The following ARFGEF2 variants were observed in gnomAD, a reference collection of about 807,000 sequenced individuals.
ARFGEF2 encodes brefeldin A-inhibited guanine nucleotide-exchange protein 2.
A neutral mutation model predicts 219.9 loss-of-function variants in ARFGEF2; 74 were observed. The observed-to-expected ratio is 0.34, with a 90% confidence interval of 0.28 to 0.41. The LOEUF (loss-of-function observed/expected upper bound fraction) is 0.41. Among genes scored for constraint, ARFGEF2 ranks in the 10% least tolerant of loss-of-function variants. The pLI is 1.00. For missense variants in ARFGEF2, 1,743 were observed against 2,218.3 expected, an observed-to-expected ratio of 0.79 and a Z score of 4.30; for synonymous variants, 733 against 799.2, an observed-to-expected ratio of 0.92 and a Z score of 1.40.
intron 35 of ARFGEF2, 105 bp downstream of exon 35, chr20:49,023,286 T>A (rs1277115571): frequency 2.7e-6 from 4 of 1,458,870 alleles, no homozygotes; most frequent in South Asian, 1.2e-5. Context: ...GAGCCTGTCA[T>A]GCTCATCTCT....
chr20:48,963,002 G>A (rs1465421662), intron 6 of ARFGEF2, among the ~76,000 whole-genome samples: 2 of 152,086 alleles, frequency 1.3e-5, no homozygotes, highest in Middle Eastern at 3.4e-3. Flanking sequence ...GAACTCAGGA[G>A]TTCAAGACCA....
intron 30 of ARFGEF2, 116 bp from the exon 31 acceptor site, chr20:49,016,164 A>T: frequency 9.5e-7 from 1 of 1,055,910 alleles, no homozygotes; most frequent in African/African-American, 1.6e-5. Context: ...TTTAAGACGT[A>T]TTCTTGATAC....
chr20:48,999,766 AAAG>A (rs2091414090), intron 25 of ARFGEF2, among the ~76,000 whole-genome samples: 1 of 151,744 alleles, frequency 6.6e-6, no homozygotes, highest in African/African-American at 2.4e-5. Context: ...AAAAAAAAAA[AAAG>A]AAATGTATGT....
chr20:48,960,761 G>A (rs2091143587), intron 6 of ARFGEF2, among the ~76,000 whole-genome samples: 1 of 150,796 alleles, frequency 6.6e-6, no homozygotes, highest in Non-Finnish European at 1.5e-5. Context: ...GGGATTACAG[G>A]CATGAGCCAC....
At chr20:48,922,122 A>G in intron 1 of ARFGEF2, 112 bp downstream of exon 1, 1 of 1,455,754 alleles carries the variant, frequency 6.9e-7, no homozygotes, top group South Asian at 1.3e-5. Flanking sequence ...CCGATCCCGA[A>G]TTCCACCCTT....
intron 35 of ARFGEF2, among the ~76,000 whole-genome samples, chr20:49,023,536 TG>T (rs1568743669): frequency 1.2e-4 from 7 of 59,512 alleles, no homozygotes; most frequent in East Asian, 6.4e-4. Context: ...TTTTTTTTTT[TG>T]TTTTTTTTTT....
Position 48,998,178 on chromosome 20 carries a change from G to C in ARFGEF2, c.3222-15G>C. ...CCCGGTCTAATGTTTATTTTGTCTG[G>C]AATTATCTTCCTAGGATTTTTACTG... On this transcript the variant is annotated splice_polypyrimidine_tract_variant and intron_variant, in intron 23 of 38. Transcript: ENST00000371917. 6.2e-7 allele frequency: 1 copy of C among 1,613,372 alleles called. No individual in the cohort carries two copies. Among genetic ancestry groups the C allele is most frequent in the Non-Finnish European group, 8.5e-7 (1 of 1,179,544 alleles).
At position 49,034,824 on chromosome 20, in the gene ARFGEF2, G is replaced by A. The variant is rs1375320127; in HGVS notation, c.*1625G>A. 1 of 152,178 alleles carries A rather than the reference G, an allele frequency of 6.6e-6. No individual in the cohort carries two copies. The highest frequency in any genetic ancestry group is 1.5e-5 in the Non-Finnish European group (1 of 68,036). 9.4% of individuals were successfully genotyped at this position (152,178 alleles called of 1,614,324 possible). On this transcript the variant is annotated 3_prime_UTR_variant, in exon 39 of 39. Coordinates refer to ENST00000371917, the MANE Select transcript of ARFGEF2 (RefSeq NM_006420.3). Reference sequence around the variant, plus strand: ...GAGAAATGTTTGGTTTTGGCCAGCAGAATTCTTGTCTACTTTTTTCTTTCC... The same window carrying A: ...GAGAAATGTTTGGTTTTGGCCAGCAAAATTCTTGTCTACTTTTTTCTTTCC...
At chr20:49,013,803 C>T in intron 29 of ARFGEF2, 28 bp from the exon 30 acceptor site, 7 of 1,614,094 alleles carry the variant, frequency 4.3e-6, no homozygotes, top group Non-Finnish European at 5.9e-6. Context: ...ACCATTCTCT[C>T]TTCTGTGCCT....
Position 49,034,715 on chromosome 20 carries a change from T to G in ARFGEF2, c.*1516T>G, listed in dbSNP as rs1292197764. Reference sequence around the variant, plus strand: ...GAACCTATCTGTAAAATCAGATGTTTTTTCTTTGTAGAGAAGGATTTCTGG... The same window carrying G: ...GAACCTATCTGTAAAATCAGATGTTGTTTCTTTGTAGAGAAGGATTTCTGG... On this transcript the variant is annotated 3_prime_UTR_variant, in exon 39 of 39. Coordinates refer to ENST00000371917, the MANE Select transcript of ARFGEF2 (RefSeq NM_006420.3). 1.3e-5 allele frequency: 2 copies of G among 152,232 alleles called. No homozygotes were observed. The highest frequency in any genetic ancestry group is 2.9e-5 in the Non-Finnish European group (2 of 68,040). 9.4% of individuals were successfully genotyped at this position (152,232 alleles called of 1,614,324 possible).
chr20:48,967,285 C>T (rs962005379), intron 8 of ARFGEF2, among the ~76,000 whole-genome samples: 5 of 152,214 alleles, frequency 3.3e-5, no homozygotes, highest in African/African-American at 1.2e-4. Flanking sequence ...GTAGAGCTAA[C>T]AGAAATTTTT....
chr20:48,999,725 C>T (rs1005177306), intron 25 of ARFGEF2, among the ~76,000 whole-genome samples: 1 of 134,226 alleles, frequency 7.5e-6, no homozygotes, highest in Non-Finnish European at 1.5e-5. Flanking sequence ...CCAGCCTGGG[C>T]GACAGAGCGA....
At chr20:48,999,766 A>G (rs1247735657) in intron 25 of ARFGEF2, among the ~76,000 whole-genome samples, 1 of 151,744 alleles carries the variant, frequency 6.6e-6, no homozygotes, top group Non-Finnish European at 1.5e-5. Context: ...AAAAAAAAAA[A>G]AAGAAATGTA....
intron 5 of ARFGEF2, among the ~76,000 whole-genome samples, chr20:48,953,294 A>G (rs907341508): frequency 1.3e-5 from 2 of 149,944 alleles, no homozygotes; most frequent in African/African-American, 2.5e-5. Context: ...TCCCACCTCA[A>G]CCTCCCAAGT....
rs573729300 is a variant in ARFGEF2 at position 48,921,858 on chromosome 20, GCGGGGCCGTCAGCCCCCGCCGGGC to G, written c.-24_-1del. 621 of 1,503,662 alleles carry G rather than the reference GCGGGGCCGTCAGCCCCCGCCGGGC, an allele frequency of 4.1e-4. 1 individual carries two copies. In the African/African-American group the frequency reaches 4.5e-3, roughly 11 times the overall value. The allele number at this position is 1,503,662 out of a possible 1,614,324, so 93.1% of individuals were successfully genotyped here. A position where few individuals can be genotyped will look rare whatever the true frequency, so the allele number is the denominator to read the frequency against. On this transcript the variant is annotated 5_prime_UTR_variant, in exon 1 of 39. Transcript: ENST00000371917. ...GCCATCTCGCTCACGCCGCCCGCCC[GCGGGGCCGTCAGCCCCCGCCGGGC>G]CGGGGCCATGCAGGAGAGCCAGACC...
At chr20:48,936,751 T>C (rs1029407620) in intron 1 of ARFGEF2, among the ~76,000 whole-genome samples, 3 of 152,148 alleles carry the variant, frequency 2.0e-5, no homozygotes, top group African/African-American at 7.2e-5. Flanking sequence ...GGTTTTGAAC[T>C]CCCTACCTCA....
chr20:48,966,093 T>C (rs560075693), intron 8 of ARFGEF2, 70 bp downstream of exon 8: 22 of 1,588,788 alleles, frequency 1.4e-5, no homozygotes, highest in South Asian at 6.7e-5. Flanking sequence ...GAATTAAGTC[T>C]TTCCTCAAAA....
At chr20:48,931,397 T>C (rs1240364146) in intron 1 of ARFGEF2, among the ~76,000 whole-genome samples, 1 of 152,146 alleles carries the variant, frequency 6.6e-6, no homozygotes, top group Non-Finnish European at 1.5e-5. Flanking sequence ...ACTTGGGAAT[T>C]CAGCAGTGAA....
At chr20:48,963,601 G>T (rs1255216969) in intron 6 of ARFGEF2, among the ~76,000 whole-genome samples, 3 of 152,166 alleles carry the variant, frequency 2.0e-5, no homozygotes, top group East Asian at 3.8e-4. Flanking sequence ...AAGCCAGTGG[G>T]GTTTTAGTGT....
Sources: gnomAD v4.1 joint callset for allele counts (sites outside exome capture counted in the v4.1 genomes callset) on GRCh38, gnomAD v4.1.1 for gene constraint, MANE v1.5 for transcripts, NCBI Gene and HGNC (gene_info 2026-07-23, HGNC 2026-07-21) for gene names.